The following SPHKAP variants were observed in gnomAD, a reference collection of about 807,000 sequenced individuals.
The protein encoded by SPHKAP is A-kinase anchor protein SPHKAP.
SPHKAP carries 67 observed loss-of-function variants against 137.5 expected under a neutral mutation model. The ratio of observed to expected loss-of-function variants is 0.49; its 90% CI spans 0.40 to 0.60. The LOEUF is 0.60. SPHKAP is among the 20% of genes least tolerant of loss of function. The pLI, the probability that SPHKAP is intolerant of heterozygous loss-of-function variation, is 0.00. For missense variants in SPHKAP, 2,097 were observed against 2,069.3 expected (o/e 1.01, Z -0.26); for synonymous variants, 813 against 785.3 (o/e 1.04, Z -0.59).
chr2:228,148,281 T>G (rs1314958920), intron 1 of SPHKAP, among the ~76,000 whole-genome samples: 1 of 152,136 alleles, frequency 6.6e-6, no homozygotes, highest in Admixed American at 6.5e-5. Context: ...AGTCCTAGGT[T>G]TCCATGCAAG....
intron 3 of SPHKAP, among the ~76,000 whole-genome samples, chr2:228,057,423 C>T (rs547691093): frequency 3.9e-5 from 6 of 152,214 alleles, no homozygotes; most frequent in South Asian, 4.1e-4. Flanking sequence ...GTGTTTTATT[C>T]GTCACTTGGG....
intron 1 of SPHKAP, among the ~76,000 whole-genome samples, chr2:228,164,148 G>A (rs1453330907): frequency 6.6e-6 from 1 of 152,202 alleles, no homozygotes; most frequent in Non-Finnish European, 1.5e-5. Flanking sequence ...TGGGCTGGAT[G>A]CTTCCTTCTG....
chr2:228,003,820 C>T (rs1474412459), intron 7 of SPHKAP, among the ~76,000 whole-genome samples: 1 of 152,194 alleles, frequency 6.6e-6, no homozygotes, highest in Non-Finnish European at 1.5e-5. Context: ...TTGAGATAAT[C>T]ATGTGGTTTT....
rs138199173 is a variant in SPHKAP, at chr2:228,122,485, C to G, written c.138+9495G>C. 8.2e-3 allele frequency among the ~76,000 whole-genome samples: 1,248 copies of G among 152,212 alleles called. 13 individuals are homozygous for G. The highest frequency in any genetic ancestry group is 0.028 in the African/African-American group (1,168 of 41,552). On this transcript the variant is annotated intron_variant, in intron 2 of 11. Coordinates refer to ENST00000392056, the MANE Select transcript of SPHKAP (RefSeq NM_001142644.2). ...GAGTTCAGAGTCCAGAAGAGAAGTC[C>G]TCAAACAGACTGACTTCGGAATAAG...
intron 3 of SPHKAP, among the ~76,000 whole-genome samples, chr2:228,033,943 G>C (rs182127330): frequency 2.0e-5 from 3 of 152,018 alleles, no homozygotes; most frequent in Non-Finnish European, 4.4e-5. Flanking sequence ...ATCCAAAATC[G>C]ACACCCTAAC....
intron 3 of SPHKAP, among the ~76,000 whole-genome samples, chr2:228,065,512 CA>C (rs1559154979): frequency 6.6e-6 from 1 of 152,096 alleles, no homozygotes; most frequent in African/African-American, 2.4e-5. Flanking sequence ...TAAACTATTT[CA>C]AAAAGTTTGG....
chr2:228,037,950 A>T (rs933646608), intron 3 of SPHKAP, among the ~76,000 whole-genome samples: 5 of 152,194 alleles, frequency 3.3e-5, no homozygotes, highest in Non-Finnish European at 1.5e-5. Context: ...ATTGAGATTT[A>T]AGCAACCACT....
chr2:228,142,880 A>G (rs990136473), intron 1 of SPHKAP, among the ~76,000 whole-genome samples: 1 of 152,160 alleles, frequency 6.6e-6, no homozygotes, highest in Non-Finnish European at 1.5e-5. Flanking sequence ...GTTGCTTTGC[A>G]TGTTGCTTCT....
intron 2 of SPHKAP, among the ~76,000 whole-genome samples, chr2:228,120,080 G>C (rs1698858300): frequency 6.6e-6 from 1 of 152,084 alleles, no homozygotes; most frequent in South Asian, 2.1e-4. Flanking sequence ...CCGTTATCAA[G>C]AAGAATTTAC....
chr2:228,168,382 G>A lies in SPHKAP; in HGVS notation c.32+13185C>T, dbSNP rs564739083. Among the ~76,000 whole-genome samples, 31 of 152,196 alleles carry A rather than the reference G, an allele frequency of 2.0e-4. No individual in the cohort carries two copies. The South Asian group carries it at 2.9e-3, about 14-fold the overall frequency. ...AATTGTGCATCCAGTAATCCTATTG[G>A]CATCATTTTTCCAAACAACATGTGT... On this transcript the variant is annotated intron_variant, in intron 1 of 11. Coordinates refer to ENST00000392056, the MANE Select transcript of SPHKAP (RefSeq NM_001142644.2).
rs752011400 is a variant in SPHKAP at position 228,021,961 on chromosome 2, A to T, written c.447T>A (p.Pro149=). ...LQADFEVSQC[P]WLPDICLVQC... is the part of the protein sequence containing the mutation. ...GGACCAAGCAGATATCTGGCAGCCA[A>T]GGGCACTAAAAGTGGAGAGAAAAGA... The change falls in exon 6 of 12, where the codon CCT becomes CCA. Residue 149 remains proline, a synonymous_variant. Transcript: ENST00000392056. The T allele has an allele frequency of 6.3e-7, 1 of 1,592,232 alleles. No individual in the cohort carries two copies. The highest frequency in any genetic ancestry group is 8.5e-7 in the Non-Finnish European group (1 of 1,169,734).
chr2:228,092,465 TGCC>T (rs1273765137), intron 3 of SPHKAP, among the ~76,000 whole-genome samples: 18 of 17,432 alleles, frequency 1.0e-3, no homozygotes, highest in Middle Eastern at 0.031. Flanking sequence ...TACATATATG[TGCC>T]ATATATATGT....
At chr2:228,035,640 G>A (rs1356389067) in intron 3 of SPHKAP, among the ~76,000 whole-genome samples, 1 of 152,136 alleles carries the variant, frequency 6.6e-6, no homozygotes, top group Non-Finnish European at 1.5e-5. Context: ...TTTACTACAA[G>A]GCTACAGTAA....
rs145809606 is a variant in SPHKAP at position 227,983,571 on chromosome 2, G to A, written c.4960-1711C>T. ...GGTGCTCCATGCATATTTGCTGAAT[G>A]ACAGAAGGGATGCAAGACCAAGCGT... On this transcript the variant is annotated intron_variant, in intron 11 of 11. Coordinates refer to ENST00000392056, the MANE Select transcript of SPHKAP (RefSeq NM_001142644.2). Among the ~76,000 whole-genome samples, 160 of 152,276 alleles carry A rather than the reference G, an allele frequency of 1.1e-3. 1 individual carries two copies. Among genetic ancestry groups the A allele is most frequent in the African/African-American group, 3.7e-3 (152 of 41,562 alleles).
intron 4 of SPHKAP, chr2:228,025,866 A>G (rs1257815548): frequency 1.0e-6 from 1 of 984,930 alleles, no homozygotes; most frequent in Non-Finnish European, 1.2e-6. Flanking sequence ...CTTGCATAAA[A>G]CATTTTTTGT....
intron 3 of SPHKAP, among the ~76,000 whole-genome samples, chr2:228,043,235 G>A (rs1695916622): frequency 6.6e-6 from 1 of 152,134 alleles, no homozygotes; most frequent in African/African-American, 2.4e-5. Flanking sequence ...TGAATCCAAG[G>A]CATAATTTCA....
chr2:228,105,404 C>T (rs1698308103), intron 3 of SPHKAP, among the ~76,000 whole-genome samples: 1 of 152,046 alleles, frequency 6.6e-6, no homozygotes, highest in African/African-American at 2.4e-5. Flanking sequence ...ATTATCCTAC[C>T]CCTCATTTCC....
intron 3 of SPHKAP, among the ~76,000 whole-genome samples, chr2:228,056,046 T>C (rs997788051): frequency 1.8e-4 from 27 of 152,224 alleles, no homozygotes; most frequent in African/African-American, 6.5e-4. Flanking sequence ...CTGTGATGCA[T>C]ATATTCCTTC....
In SPHKAP at chr2:228,046,548, T is replaced by C. The variant is rs141743757; in HGVS notation, c.247-19005A>G. 8.3e-3 allele frequency among the ~76,000 whole-genome samples: 1,268 copies of C among 152,222 alleles called. 10 individuals carry two copies. Among genetic ancestry groups the C allele is most frequent in the African/African-American group, 0.025 (1,046 of 41,564 alleles). ...GGTGATTCAAAAAGCTTGCCAACAC[T>C]TCATATTCTTTAATGCTACCAAAAA... On this transcript the variant is annotated intron_variant, in intron 3 of 11. Coordinates refer to ENST00000392056, the MANE Select transcript of SPHKAP (RefSeq NM_001142644.2).
Sources: allele counts gnomAD v4.1 joint callset (sites outside exome capture counted in the v4.1 genomes callset), GRCh38; gene constraint gnomAD v4.1.1; transcripts MANE v1.5; gene names NCBI Gene and HGNC (gene_info 2026-07-23, HGNC 2026-07-21).